Variants in HEATR4 observed in about 807,000 individuals in gnomAD.
HEATR4 encodes HEAT repeat-containing protein 4.
A neutral mutation model predicts 108.8 loss-of-function variants in HEATR4; 95 were observed. That is an observed-to-expected ratio of 0.87 (90% CI 0.74 to 1.04). The LOEUF is 1.04. Ranked by LOEUF, HEATR4 falls within the 50% of genes least tolerant of loss-of-function variation. HEATR4 has a pLI of 0.00. For missense variants in HEATR4, 1,152 were observed against 1,253.8 expected, an observed-to-expected ratio of 0.92 and a Z score of 1.23; for synonymous variants, 443 against 459.4, an observed-to-expected ratio of 0.96 and a Z score of 0.46.
the HEATR4 span, chr14:73,591,911 T>A: frequency 2.2e-6 from 3 of 1,343,802 alleles, no homozygotes; most frequent in Non-Finnish European, 2.9e-6. Flanking sequence ...GCCACGATCT[T>A]GGACGGGTCT....
rs1281580308 is a variant in HEATR4, at chr14:73,546,236, C to A, written c.-152+12515G>T. ...CCTCAGGTGATACACCCGGCTTGGC[C>A]TCCCAAAGTGCCAGGATTATAGGCG... On this transcript the variant is annotated intron_variant, in intron 1 of 17. Transcript: ENST00000553558. Among the ~76,000 whole-genome samples the A allele has an allele frequency of 1.7e-5, 2 of 114,414 alleles. 1 individual carries two copies. Among genetic ancestry groups the A allele is most frequent in the Non-Finnish European group, 3.8e-5 (2 of 52,632 alleles). The allele number at this position is 114,414 out of a possible 152,430, so 75.1% of individuals were successfully genotyped here. A position where few individuals can be genotyped will look rare whatever the true frequency, so the allele number is the denominator to read the frequency against.
At position 73,546,013 on chromosome 14, in the gene HEATR4, G is replaced by A. The variant is rs1385737181; in HGVS notation, c.-152+12738C>T. On this transcript the variant is annotated intron_variant, in intron 1 of 17. Transcript: ENST00000553558. ...AACAATTTTTTTTTGAGACAGTCTC[G>A]CTCTGTTGCCCAGGCTAGAGTACAA... Among the ~76,000 whole-genome samples the A allele has an allele frequency of 4.4e-5, 5 of 113,350 alleles. 2 individuals carry two copies. Among genetic ancestry groups the A allele is most frequent in the Non-Finnish European group, 7.7e-5 (4 of 52,184 alleles). The allele number at this position is 113,350 out of a possible 152,430, so 74.4% of individuals were successfully genotyped here.
intron 2 of HEATR4, among the ~76,000 whole-genome samples, chr14:73,529,483 GAA>G (rs1174166723): frequency 6.6e-6 from 1 of 152,098 alleles, no homozygotes; most frequent in Admixed American, 6.6e-5. Context: ...AATGGGGTTG[GAA>G]GGGTTAGGCT....
the HEATR4 span, among the ~76,000 whole-genome samples, chr14:73,583,557 C>T: frequency 7.3e-4 from 111 of 152,044 alleles, 1 homozygote; most frequent in African/African-American, 2.5e-3. Context: ...TCGACAGTTA[C>T]CACGTTGCCT....
chr14:73,618,325 A>ACTGTATTT, the HEATR4 span, among the ~76,000 whole-genome samples: 1 of 151,832 alleles, frequency 6.6e-6, no homozygotes, highest in African/African-American at 2.4e-5. Flanking sequence ...GGCACCCCAG[A>ACTGTATTT]ATTCTCTGCC....
intron 2 of HEATR4, among the ~76,000 whole-genome samples, chr14:73,527,692 T>C (rs138988311): frequency 1.3e-5 from 2 of 151,780 alleles, no homozygotes; most frequent in Admixed American, 1.3e-4. Flanking sequence ...AAATACACAG[T>C]CAGGGCCAGG....
At chr14:73,590,498 G>A in the HEATR4 span, among the ~76,000 whole-genome samples, 7 of 152,368 alleles carry the variant, frequency 4.6e-5, no homozygotes, top group East Asian at 3.9e-4. Flanking sequence ...GCCCTTGGGC[G>A]GTCGATGGGA....
the HEATR4 span, among the ~76,000 whole-genome samples, chr14:73,583,866 G>GAC: frequency 6.6e-6 from 1 of 151,904 alleles, no homozygotes; most frequent in East Asian, 1.9e-4. Context: ...CGGGTGTGGT[G>GAC]GTGCGCACCT....
At position 73,492,102 on chromosome 14, in the gene HEATR4, C is replaced by T. The variant is rs756784555; in HGVS notation, c.2844+964G>A. ...AGGAAACTCTGGCGTGTATACCGACCCCGAGTCCCAACCGAGGAACTGGCT... is the reference window on the plus strand; with the variant it reads ...AGGAAACTCTGGCGTGTATACCGACTCCGAGTCCCAACCGAGGAACTGGCT... On this transcript the variant is annotated intron_variant, in intron 17 of 17. Coordinates refer to ENST00000553558, the MANE Select transcript of HEATR4 (RefSeq NM_001220484.1). The surrounding 1 kb of genome is among the most constrained non-coding windows in gnomAD (Gnocchi z 4.9). 5 of 1,613,838 alleles carry T rather than the reference C, an allele frequency of 3.1e-6. No homozygotes were observed. The African/African-American group carries it at 4.0e-5, about 13-fold the overall frequency.
intron 16 of HEATR4, 142 bp downstream of exon 16, chr14:73,495,086 G>T: frequency 1.6e-6 from 1 of 607,558 alleles, no homozygotes; most frequent in Non-Finnish European, 2.8e-6. Context: ...AAGACTGAGT[G>T]GATGGTAGCC....
At chr14:73,602,657 C>G in the HEATR4 span, among the ~76,000 whole-genome samples, 1 of 152,188 alleles carries the variant, frequency 6.6e-6, no homozygotes, top group Non-Finnish European at 1.5e-5. Context: ...GGGATCCTGG[C>G]AGGCTACAAT....
At chr14:73,496,411 A>G (rs964222340) in intron 15 of HEATR4, among the ~76,000 whole-genome samples, 190 bp downstream of exon 15, 1 of 152,204 alleles carries the variant, frequency 6.6e-6, no homozygotes, top group South Asian at 2.1e-4. Context: ...TGTCTTTACT[A>G]GTAGGACCTT....
At chr14:73,518,994 C>T in intron 5 of HEATR4, 29 bp downstream of exon 5, 1 of 1,597,036 alleles carries the variant, frequency 6.3e-7, no homozygotes, top group Non-Finnish European at 8.5e-7. Flanking sequence ...GTTATTAACC[C>T]CTGCCTTCCC....
intron 9 of HEATR4, among the ~76,000 whole-genome samples, chr14:73,506,804 GTTTT>G (rs34660727): frequency 0.081 from 6,532 of 80,448 alleles, 424 homozygotes; most frequent in African/African-American, 0.17. Flanking sequence ...GACTTTAACT[GTTTT>G]TTTTTTTTTT....
At chr14:73,627,826 T>C in the HEATR4 span, among the ~76,000 whole-genome samples, 27 of 152,128 alleles carry the variant, frequency 1.8e-4, no homozygotes, top group African/African-American at 5.3e-4. Flanking sequence ...ACAATTTTTT[T>C]TTTTTTTGAG....
At chr14:73,629,269 C>T in the HEATR4 span, among the ~76,000 whole-genome samples, 4 of 152,144 alleles carry the variant, frequency 2.6e-5, no homozygotes, top group African/African-American at 4.8e-5. Context: ...GCTATGGCAA[C>T]TTAATAGACT....
At chr14:73,618,334 C>T in the HEATR4 span, among the ~76,000 whole-genome samples, 3 of 146,388 alleles carry the variant, frequency 2.0e-5, no homozygotes, top group South Asian at 4.2e-4. Context: ...GAATTCTCTG[C>T]CAAACAGCTC....
At chr14:73,491,813 C>G (rs747701951) in intron 17 of HEATR4, 2 of 1,602,010 alleles carry the variant, frequency 1.2e-6, no homozygotes, top group Non-Finnish European at 1.7e-6. Flanking sequence ...GGACGCCGCT[C>G]GCTACATCAA....
upstream of HEATR4, among the ~76,000 whole-genome samples, chr14:73,563,810 T>TAAAA (rs1889565120): frequency 6.6e-6 from 1 of 151,218 alleles, no homozygotes; most frequent in Non-Finnish European, 1.5e-5. Flanking sequence ...AATAAAAAAA[T>TAAAA]AAATAAATAA....
Sources: gnomAD v4.1 joint callset for allele counts (sites outside exome capture counted in the v4.1 genomes callset) on GRCh38, gnomAD v4.1.1 for gene constraint, Gnocchi (gnomAD v3.1) non-coding constraint, MANE v1.5 for transcripts, NCBI Gene and HGNC (gene_info 2026-07-23, HGNC 2026-07-21) for gene names.